LURAP1L: variants seen among roughly 807,000 people sequenced by gnomAD.
LURAP1L encodes leucine rich adaptor protein 1-like.
LURAP1L carries 12 observed loss-of-function variants against 13.8 expected under a neutral mutation model. The observed-to-expected ratio is 0.87, with a 90% confidence interval of 0.56 to 1.41. The LOEUF is 1.41. LURAP1L is among the 40% of genes most tolerant of loss of function. The probability of loss-of-function intolerance (pLI) is 0.00; values close to 1 mark genes in which losing one functional copy is unlikely to be tolerated. For missense variants in LURAP1L, 375 were observed against 292.9 expected (o/e 1.28, Z -2.04); for synonymous variants, 139 against 119.2 (o/e 1.17, Z -1.08).
At chr9:12,776,159 G>C (rs902393345) in intron 1 of LURAP1L, 132 bp downstream of exon 1, 4 of 936,246 alleles carry the variant, frequency 4.3e-6, no homozygotes, top group Non-Finnish European at 6.5e-6. Context: ...GGAAATGCTG[G>C]GTGGAGGAAT....
chr9:12,803,582 TA>T (rs1819616144), intron 1 of LURAP1L, among the ~76,000 whole-genome samples: 6 of 152,216 alleles, frequency 3.9e-5, no homozygotes, highest in Admixed American at 3.9e-4. Context: ...ATAAACATGA[TA>T]AATTACATCA....
intron 1 of LURAP1L, among the ~76,000 whole-genome samples, chr9:12,788,632 T>C (rs756875620): frequency 3.1e-4 from 47 of 152,166 alleles, no homozygotes; most frequent in Non-Finnish European, 6.2e-4. Context: ...TAAAATTATG[T>C]TGTAAATTTA....
chr9:12,785,330 G>A (rs1819334675), intron 1 of LURAP1L, among the ~76,000 whole-genome samples: 1 of 152,084 alleles, frequency 6.6e-6, no homozygotes, highest in South Asian at 2.1e-4. Flanking sequence ...GGCTGGGGGA[G>A]GGGGTGACAC....
At chr9:12,799,638 T>A (rs1819556911) in intron 1 of LURAP1L, among the ~76,000 whole-genome samples, 1 of 152,154 alleles carries the variant, frequency 6.6e-6, no homozygotes, top group African/African-American at 2.4e-5. Flanking sequence ...CCCAGCACTT[T>A]GGGAGGCCGA....
At chr9:12,796,538 C>T (rs1563892074) in intron 1 of LURAP1L, among the ~76,000 whole-genome samples, 1 of 151,838 alleles carries the variant, frequency 6.6e-6, no homozygotes, top group East Asian at 1.9e-4. Flanking sequence ...GGATATTTAA[C>T]TTGTTTCTTA....
At chr9:12,808,481 G>T (rs1285207008) in intron 1 of LURAP1L, among the ~76,000 whole-genome samples, 1 of 151,894 alleles carries the variant, frequency 6.6e-6, no homozygotes, top group African/African-American at 2.4e-5. Context: ...CTTCACTTTT[G>T]AAGGATAATT....
chr9:12,788,656 G>A (rs1819396914), intron 1 of LURAP1L, among the ~76,000 whole-genome samples: 1 of 151,966 alleles, frequency 6.6e-6, no homozygotes, highest in Admixed American at 6.6e-5. Flanking sequence ...ATGGAACAGA[G>A]AGAATGGTTA....
At chr9:12,795,178 G>A (rs1010415562) in intron 1 of LURAP1L, among the ~76,000 whole-genome samples, 2 of 151,874 alleles carry the variant, frequency 1.3e-5, no homozygotes, top group African/African-American at 2.4e-5. Context: ...TGTAGATGAT[G>A]TTGCTTTTGC....
intron 1 of LURAP1L, among the ~76,000 whole-genome samples, chr9:12,788,192 A>AAAGAAAGAAAGAAAG (rs1554657446): frequency 0.018 from 1,894 of 103,172 alleles, 13 homozygotes; most frequent in Non-Finnish European, 0.025. Flanking sequence ...AGAAAGAAAG[A>AAAGAAAGAAAGAAAG]AAAGAAAAGA....
intron 1 of LURAP1L, among the ~76,000 whole-genome samples, chr9:12,811,342 C>T (rs1008546300): frequency 6.6e-6 from 1 of 152,022 alleles, no homozygotes; most frequent in Non-Finnish European, 1.5e-5. Context: ...CTTTCATGAC[C>T]CTCAGGTTAT....
intron 1 of LURAP1L, among the ~76,000 whole-genome samples, chr9:12,803,307 A>G (rs1269608171): frequency 1.3e-5 from 2 of 152,358 alleles, no homozygotes; most frequent in Non-Finnish European, 2.9e-5. Context: ...AGGAATTTTG[A>G]AGATGATCCT....
At chr9:12,790,960 C>T (rs771702193) in intron 1 of LURAP1L, among the ~76,000 whole-genome samples, 11 of 151,986 alleles carry the variant, frequency 7.2e-5, no homozygotes, top group Non-Finnish European at 1.3e-4. Context: ...ACATTTAATT[C>T]GGTAGCCTAA....
chr9:12,821,573 T>C lies in LURAP1L; in HGVS notation c.500T>C (p.Leu167Pro). The C allele has an allele frequency of 6.2e-7, 1 of 1,614,162 alleles. No individual in the cohort carries two copies. The highest frequency in any genetic ancestry group is 8.5e-7 in the Non-Finnish European group (1 of 1,180,034). Residue 167 changes from leucine (L) to proline (P), a missense_variant, in exon 2 of 2, where the codon CTA (leucine) becomes CCA (proline). Leu to Pro is a moderately conservative substitution (Grantham distance 98, BLOSUM62 -3). Coordinates refer to ENST00000319264, the MANE Select transcript of LURAP1L (RefSeq NM_203403.2). ...STSLRGSYNS[L>P]HDGSDGLDGI... ...TCCTTACGTGGCAGCTACAACAGCC[T>C]ACACGATGGCAGTGATGGGCTGGAT...
intron 1 of LURAP1L, among the ~76,000 whole-genome samples, chr9:12,798,053 T>G (rs1416250680): frequency 6.6e-6 from 1 of 152,172 alleles, no homozygotes; most frequent in Non-Finnish European, 1.5e-5. Context: ...TTATGGGTAT[T>G]GAATCAAAGT....
At chr9:12,819,410 T>G (rs916947528) in intron 1 of LURAP1L, among the ~76,000 whole-genome samples, 1 of 152,228 alleles carries the variant, frequency 6.6e-6, no homozygotes, top group Non-Finnish European at 1.5e-5. Flanking sequence ...TTCATCATGT[T>G]CCCTCAATCC....
At chr9:12,799,121 C>A (rs752280452) in intron 1 of LURAP1L, among the ~76,000 whole-genome samples, 12 of 152,122 alleles carry the variant, frequency 7.9e-5, no homozygotes, top group Non-Finnish European at 1.8e-4. Flanking sequence ...GAATTAGAAT[C>A]AGAACATCAA....
chr9:12,779,266 CTTTTTTTTTTT>C (rs71329885), intron 1 of LURAP1L, among the ~76,000 whole-genome samples: 6 of 90,258 alleles, frequency 6.6e-5, no homozygotes, highest in African/African-American at 1.2e-4. Context: ...ATCTTATAAT[CTTTTTTTTTTT>C]TTTTTTTTTT....
chr9:12,814,070 T>G (rs1158763682), intron 1 of LURAP1L, among the ~76,000 whole-genome samples: 3 of 152,218 alleles, frequency 2.0e-5, no homozygotes, highest in African/African-American at 7.2e-5. Context: ...CAATTTGTAT[T>G]ATATTTTGTA....
At chr9:12,782,080 T>C (rs182563521) in intron 1 of LURAP1L, among the ~76,000 whole-genome samples, 1 of 152,344 alleles carries the variant, frequency 6.6e-6, no homozygotes, top group African/African-American at 2.4e-5. Flanking sequence ...ATTCAGATCT[T>C]TTGTCTATTT....
Sources: allele counts gnomAD v4.1 joint callset (sites outside exome capture counted in the v4.1 genomes callset), GRCh38; gene constraint gnomAD v4.1.1; transcripts MANE v1.5; gene names NCBI Gene and HGNC (gene_info 2026-07-23, HGNC 2026-07-21).